Variants in SIDT2 observed in about 807,000 individuals in gnomAD.
The protein encoded by SIDT2 is SID1 transmembrane family member 2.
SIDT2 carries 68 observed loss-of-function variants against 114.4 expected under a neutral mutation model. The observed-to-expected ratio is 0.59, with a 90% CI of 0.49 to 0.73. The LOEUF (loss-of-function observed/expected upper bound fraction) is 0.73. Among genes scored for constraint, SIDT2 ranks in the 30% least tolerant of loss-of-function variants. The pLI is 0.00. For missense variants in SIDT2, 918 were observed against 1,097.1 expected (o/e 0.84, Z 2.31); for synonymous variants, 470 against 438.4 (o/e 1.07, Z -0.90).
Position 117,187,688 on chromosome 11 carries a change from AC to A in SIDT2, c.1149del (p.Tyr383Ter). The A allele has an allele frequency of 6.2e-7, 1 of 1,612,758 alleles. No individual in the cohort carries two copies. The highest frequency in any genetic ancestry group is 1.1e-5 in the South Asian group (1 of 91,030). ...VDSAGTGDLS[Y>X]GYQGRSFEPV... ...AGCGCTGGCACTGGGGACCTCTCTT[AC>A]GGTTACCAGGGTGAGTGGGCCAGGC... On this transcript the variant is annotated frameshift_variant, in exon 12 of 26. Coordinates refer to ENST00000324225, the MANE Select transcript of SIDT2 (RefSeq NM_001040455.2). LOFTEE classifies it high-confidence loss of function.
chr11:117,185,871 CA>C (rs34117588), intron 8 of SIDT2: 3,716 of 179,440 alleles, frequency 0.021, 1 homozygote, highest in South Asian at 0.051. Context: ...GAGCCCGTCT[CA>C]AAAAAAAAAA....
At position 117,191,759 on chromosome 11, in the gene SIDT2, C is replaced by T. The variant is rs1346073265; in HGVS notation, c.1736-119C>T. On this transcript the variant is annotated intron_variant, in intron 18 of 25. Transcript: ENST00000324225. ...CAAGTGCCACCCTGCCACCAGCTCA[C>T]ACCATGGCCGTGGTGGGGCACCAGG... 2.1e-6 allele frequency: 3 copies of T among 1,418,126 alleles called. No homozygotes were observed. The Admixed American group carries it at 6.0e-5, about 28-fold the overall frequency. The allele number at this position is 1,418,126 out of a possible 1,614,324, so 87.8% of individuals were successfully genotyped here.
At chr11:117,186,345 G>T in intron 9 of SIDT2, 122 bp downstream of exon 9, 1 of 916,558 alleles carries the variant, frequency 1.1e-6, no homozygotes, top group Admixed American at 2.1e-5. Context: ...AGATGATGGT[G>T]GGGCTGTTAG....
In SIDT2 at chr11:117,179,229, G is replaced by A. The variant is rs757071421; in HGVS notation, c.-35G>A. 6.9e-6 allele frequency: 11 copies of A among 1,586,278 alleles called. No individual in the cohort carries two copies. Among genetic ancestry groups the A allele is most frequent in the South Asian group, 5.6e-5 (5 of 89,096 alleles). On this transcript the variant is annotated 5_prime_UTR_variant, in exon 1 of 26. Transcript: ENST00000324225. ...CCTGTCTCCTGTCGCCGCCGCCGCC[G>A]CCACCACCGCTGCCACTGCCGCCCT...
chr11:117,186,928 C>T, intron 10 of SIDT2: 1 of 1,487,940 alleles, frequency 6.7e-7, no homozygotes, highest in Non-Finnish European at 9.0e-7. Context: ...CTTTCCTTCT[C>T]TCTCTCTTCC....
chr11:117,192,993 C>A lies in SIDT2; in HGVS notation c.2105+127C>A. 3 of 1,371,768 alleles carry A rather than the reference C, an allele frequency of 2.2e-6. 1 individual carries two copies. The South Asian group carries it at 3.5e-5, about 16-fold the overall frequency. 85.0% of individuals were successfully genotyped at this position (1,371,768 alleles called of 1,614,324 possible). A position where few individuals can be genotyped will look rare whatever the true frequency, so the allele number is the denominator to read the frequency against. ...ATAAGACATGGGGGCTAAGAGAGAT[C>A]TTGGCCTCTCTTCTCTCTCTTGGCA... is the stretch of plus-strand genomic sequence containing the variant. On this transcript the variant is annotated intron_variant, in intron 22 of 25. Transcript: ENST00000324225. This position sits in a 1 kb window ranked among gnomAD's most constrained non-coding sequence, Gnocchi z 5.9.
Position 117,190,113 on chromosome 11 carries a change from G to A in SIDT2, c.1494-53G>A. The A allele has an allele frequency of 6.2e-7, 1 of 1,611,346 alleles. No homozygotes were observed. Among genetic ancestry groups the A allele is most frequent in the Non-Finnish European group, 8.5e-7 (1 of 1,178,242 alleles). ...CTTTGCAATGCCCACGTGGGCTAGG[G>A]AAGAGGCCTGGGTGTGAGTCCCAAG... On this transcript the variant is annotated intron_variant, in intron 16 of 25. Coordinates refer to ENST00000324225, the MANE Select transcript of SIDT2 (RefSeq NM_001040455.2). This position sits in a 1 kb window ranked among gnomAD's most constrained non-coding sequence, Gnocchi z 4.1.
In SIDT2 at chr11:117,196,027, C is replaced by T. The variant is rs1434600800; in HGVS notation, c.2460C>T (p.Asp820=). Residue 820 remains aspartate, a synonymous_variant, in exon 26 of 26, where the codon GAC becomes GAT. Transcript: ENST00000324225. The surrounding 1 kb of genome is among the most constrained non-coding windows in gnomAD (Gnocchi z 4.9). ...SFLVLLTLDD[D]LDTVQRDKIY... is the part of the protein sequence containing the mutation. ...AGGTGTTGCTGACACTGGATGACGA[C>T]CTGGATACTGTGCAGCGGGACAAGA... 4 of 1,614,120 alleles carry T rather than the reference C, an allele frequency of 2.5e-6. No homozygotes were observed. Among genetic ancestry groups the T allele is most frequent in the Non-Finnish European group, 3.4e-6 (4 of 1,180,048 alleles).
chr11:117,187,733 G>C (rs1419321674), intron 12 of SIDT2, 34 bp downstream of exon 12: 1 of 1,602,824 alleles, frequency 6.2e-7, no homozygotes, highest in South Asian at 1.1e-5. Context: ...GCGGTGTGGT[G>C]CAGGACGGTG....
chr11:117,188,101 G>A lies in SIDT2; in HGVS notation c.1159+402G>A, dbSNP rs116607967. 2.9e-3 allele frequency: 1,213 copies of A among 415,926 alleles called. 9 individuals are homozygous for A. Among genetic ancestry groups the A allele is most frequent in the African/African-American group, 0.022 (1,074 of 49,214 alleles). The allele number at this position is 415,926 out of a possible 1,614,324, so 25.8% of individuals were successfully genotyped here. A position where few individuals can be genotyped will look rare whatever the true frequency, so the allele number is the denominator to read the frequency against. On this transcript the variant is annotated intron_variant, in intron 12 of 25. Transcript: ENST00000324225. The surrounding 1 kb of genome is among the most constrained non-coding windows in gnomAD (Gnocchi z 4.0). ...GCCCGCTCTTGTGTCTTCTGAGATAGCAGCAGAGCACAGGCTCCTTTGGCT... is the reference window on the plus strand; with the variant it reads ...GCCCGCTCTTGTGTCTTCTGAGATAACAGCAGAGCACAGGCTCCTTTGGCT...
chr11:117,187,260 C>A, intron 10 of SIDT2, 118 bp from the exon 11 acceptor site: 2 of 1,073,576 alleles, frequency 1.9e-6, no homozygotes, highest in Non-Finnish European at 2.9e-6. Context: ...GGTGCTGCTT[C>A]TCGTCTGCTG....
At chr11:117,193,005 T>C in intron 22 of SIDT2, 139 bp downstream of exon 22, 9 of 1,350,482 alleles carry the variant, frequency 6.7e-6, no homozygotes, top group South Asian at 1.2e-5. Context: ...TGGCCTCTCT[T>C]CTCTCTCTTG....
Position 117,192,203 on chromosome 11 carries a change from G to A in SIDT2, c.1873-51G>A, listed in dbSNP as rs770209689. Reference sequence around the variant, plus strand: ...CAGCCCCAGGAAGGGTGGGCCATCCGAGCCACTTCCCTCTCCACCCTCACC... The same window carrying A: ...CAGCCCCAGGAAGGGTGGGCCATCCAAGCCACTTCCCTCTCCACCCTCACC... On this transcript the variant is annotated intron_variant, in intron 19 of 25. Transcript: ENST00000324225. This position sits in a 1 kb window ranked among gnomAD's most constrained non-coding sequence, Gnocchi z 5.9. 32 of 1,473,488 alleles carry A rather than the reference G, an allele frequency of 2.2e-5. No homozygotes were observed. The highest frequency in any genetic ancestry group is 1.7e-4 in the Middle Eastern group (1 of 5,786). 91.3% of individuals were successfully genotyped at this position (1,473,488 alleles called of 1,614,324 possible).
At chr11:117,195,962 G>C in intron 25 of SIDT2, 42 bp from the exon 26 acceptor site, 4 of 1,614,244 alleles carry the variant, frequency 2.5e-6, no homozygotes, top group Non-Finnish European at 3.4e-6. Context: ...GAAGGTAGCA[G>C]CTGCCTCCTT....
chr11:117,186,054 A>G (rs1591768056), intron 8 of SIDT2, 76 bp from the exon 9 acceptor site: 1 of 1,211,092 alleles, frequency 8.3e-7, no homozygotes, highest in East Asian at 2.3e-5. Context: ...GGAGGAGGAC[A>G]TGAAGGCCTT....
chr11:117,195,332 G>C (rs1456203958), intron 24 of SIDT2, among the ~76,000 whole-genome samples: 1 of 152,140 alleles, frequency 6.6e-6, no homozygotes, highest in African/African-American at 2.4e-5. Flanking sequence ...CTTATGAGTA[G>C]AGCAGGGAGG....
rs8521 is a variant in SIDT2 at position 117,196,983 on chromosome 11, C to T, written c.*917C>T. ...CAGAGTTCAGCCCGTTCTGCCTCCA[C>T]AGCTGTGGGCACCCCAGTGCCTACC... On this transcript the variant is annotated 3_prime_UTR_variant, in exon 26 of 26. Coordinates refer to ENST00000324225, the MANE Select transcript of SIDT2 (RefSeq NM_001040455.2). The surrounding 1 kb of genome is among the most constrained non-coding windows in gnomAD (Gnocchi z 4.9). 0.62 allele frequency: 94,140 copies of T among 152,646 alleles called. 31,247 individuals carry two copies. The highest frequency in any genetic ancestry group is 0.76 in the Non-Finnish European group (51,625 of 68,088). 9.5% of individuals were successfully genotyped at this position (152,646 alleles called of 1,614,324 possible). A position where few individuals can be genotyped will look rare whatever the true frequency, so the allele number is the denominator to read the frequency against.
chr11:117,187,324 G>C, intron 10 of SIDT2, 54 bp from the exon 11 acceptor site: 1 of 1,528,410 alleles, frequency 6.5e-7, no homozygotes, highest in East Asian at 2.3e-5. Context: ...CTTCTCCCTG[G>C]CTCTAGGCCT....
chr11:117,186,510 A>C, intron 9 of SIDT2, 74 bp from the exon 10 acceptor site: 1 of 1,386,502 alleles, frequency 7.2e-7, no homozygotes, highest in Non-Finnish European at 9.9e-7. Context: ...AGAGAGGTAG[A>C]AGGAAAGTCA....
Sources: allele counts gnomAD v4.1 joint callset (sites outside exome capture counted in the v4.1 genomes callset), GRCh38; gene constraint gnomAD v4.1.1; non-coding constraint Gnocchi (gnomAD v3.1); transcripts MANE v1.5; gene names NCBI Gene and HGNC (gene_info 2026-07-23, HGNC 2026-07-21).